Variants in ITK observed in about 807,000 individuals in gnomAD.
ITK encodes the protein tyrosine-protein kinase ITK/TSK.
In ITK, 45 loss-of-function variants were observed where a neutral mutation model predicts 87.6. That is an observed-to-expected ratio of 0.51 (90% CI 0.40 to 0.66). The LOEUF (loss-of-function observed/expected upper bound fraction) is 0.66, where lower values mean the gene tolerates loss of function less well. ITK is among the 30% of genes least tolerant of loss of function. The pLI, the probability that ITK is intolerant of heterozygous loss-of-function variation, is 0.00. For synonymous variants in ITK, 303 were observed against 273.6 expected (o/e 1.11, Z -1.06); for missense variants, 605 against 766.3 (o/e 0.79, Z 2.48).
At chr5:157,214,545 C>T (rs1487536522) in intron 4 of ITK, among the ~76,000 whole-genome samples, 1 of 152,072 alleles carries the variant, frequency 6.6e-6, no homozygotes, top group Non-Finnish European at 1.5e-5. Context: ...GGACCAGCAG[C>T]ATCAACATCT....
intron 5 of ITK, among the ~76,000 whole-genome samples, chr5:157,219,319 G>A (rs1019120339): frequency 1.3e-5 from 2 of 151,900 alleles, no homozygotes; most frequent in African/African-American, 4.8e-5. Flanking sequence ...TACCATGTTG[G>A]CCAGGCAGGT....
At chr5:157,210,345 A>G (rs560037149) in intron 2 of ITK, among the ~76,000 whole-genome samples, 78 of 152,178 alleles carry the variant, frequency 5.1e-4, no homozygotes, top group Admixed American at 1.8e-3. Context: ...ATGGCATAGA[A>G]AAGAACTTTT....
chr5:157,252,743 A>G lies in ITK; in HGVS notation c.*65A>G. ...TGGAGGAAGGATATGTCCTCATTCC[A>G]TAGAGCATTAGAAGCTGCCACCAGC... On this transcript the variant is annotated 3_prime_UTR_variant, in exon 17 of 17. Coordinates refer to ENST00000422843, the MANE Select transcript of ITK (RefSeq NM_005546.4). 2 of 1,277,166 alleles carry G rather than the reference A, an allele frequency of 1.6e-6. No individual in the cohort carries two copies. The highest frequency in any genetic ancestry group is 1.2e-5 in the South Asian group (1 of 84,188). The allele number at this position is 1,277,166 out of a possible 1,614,324, so 79.1% of individuals were successfully genotyped here.
At position 157,240,221 on chromosome 5, in the gene ITK, C is replaced by T. The variant is rs368648728; in HGVS notation, c.985+26C>T. The T allele has an allele frequency of 1.1e-4, 175 of 1,612,232 alleles. No homozygotes were observed. The African/African-American group carries it at 2.2e-3, about 20-fold the overall frequency. On this transcript the variant is annotated intron_variant, in intron 10 of 16. Transcript: ENST00000422843. ...GTAAGCTCTAGAGCAGGGGTGGACC[C>T]GGGCCGCCCAGCAGGAGGTGAGCAG...
intron 7 of ITK, among the ~76,000 whole-genome samples, chr5:157,229,632 G>A (rs888324795): frequency 6.6e-6 from 1 of 152,208 alleles, no homozygotes; most frequent in African/African-American, 2.4e-5. Context: ...AGACTAAAGA[G>A]GTCGGGCGCA....
intron 8 of ITK, among the ~76,000 whole-genome samples, chr5:157,235,381 C>T (rs763275107): frequency 5.3e-5 from 8 of 152,190 alleles, no homozygotes; most frequent in Non-Finnish European, 8.8e-5. Context: ...CATGCCTTCC[C>T]TCGCCCTAGC....
At chr5:157,237,194 C>T (rs1305532080) in intron 8 of ITK, among the ~76,000 whole-genome samples, 1 of 152,176 alleles carries the variant, frequency 6.6e-6, no homozygotes, top group East Asian at 1.9e-4. Context: ...ACATGTACAC[C>T]ATGGGGTAAC....
Position 157,222,919 on chromosome 5 carries a change from C to A in ITK, c.552C>A (p.Thr184=), listed in dbSNP as rs2113760991. ...TVVIALYDYQ[T]NDPQELALRR... Reference sequence around the variant, plus strand: ...TCATTGCCTTATATGACTACCAAACCAATGATCCTCAGGAACTCGCACTGC... The same window carrying A: ...TCATTGCCTTATATGACTACCAAACAAATGATCCTCAGGAACTCGCACTGC... Residue 184 remains threonine, a synonymous_variant, in exon 6 of 17, where the codon ACC becomes ACA. Transcript: ENST00000422843. 2.5e-6 allele frequency: 4 copies of A among 1,614,038 alleles called. No homozygotes were observed. The highest frequency in any genetic ancestry group is 2.5e-6 in the Non-Finnish European group (3 of 1,179,988).
intron 1 of ITK, among the ~76,000 whole-genome samples, chr5:157,193,785 A>G (rs1477303781): frequency 6.6e-6 from 1 of 152,182 alleles, no homozygotes. Context: ...ACATAATCCA[A>G]TAGAGGTGTT....
chr5:157,226,784 CT>C (rs985832743), intron 6 of ITK, among the ~76,000 whole-genome samples: 1 of 151,080 alleles, frequency 6.6e-6, no homozygotes, highest in African/African-American at 2.4e-5. Flanking sequence ...TATCAGGCAT[CT>C]TTTTTTGTTT....
At chr5:157,196,968 C>A (rs939789376) in intron 1 of ITK, among the ~76,000 whole-genome samples, 1 of 152,140 alleles carries the variant, frequency 6.6e-6, no homozygotes, top group African/African-American at 2.4e-5. Context: ...TGGAAAATAT[C>A]ACTTAGTTCT....
intron 1 of ITK, among the ~76,000 whole-genome samples, chr5:157,207,583 G>A (rs1229206412): frequency 1.3e-5 from 2 of 151,730 alleles, no homozygotes; most frequent in Admixed American, 6.6e-5. Flanking sequence ...GTTTCACCAT[G>A]TTGGGCAGGC....
At chr5:157,187,836 G>T (rs1264145555) in intron 1 of ITK, among the ~76,000 whole-genome samples, 1 of 150,482 alleles carries the variant, frequency 6.6e-6, no homozygotes, top group African/African-American at 2.5e-5. Context: ...ACCTTGCTCT[G>T]TTGCCCAGGC....
intron 2 of ITK, among the ~76,000 whole-genome samples, chr5:157,209,744 G>A (rs39827): frequency 2.0e-5 from 3 of 152,044 alleles, no homozygotes; most frequent in African/African-American, 4.8e-5. Context: ...ATCTGGAATC[G>A]CACTGTCTAG....
chr5:157,205,861 T>A (rs1312313236), intron 1 of ITK, among the ~76,000 whole-genome samples: 1 of 152,202 alleles, frequency 6.6e-6, no homozygotes, highest in Non-Finnish European at 1.5e-5. Context: ...ATTGAGATAA[T>A]CGTGATTTCT....
Position 157,238,163 on chromosome 5 carries a change from G to C in ITK, c.823G>C (p.Val275Leu). 1 of 1,613,768 alleles carries C rather than the reference G, an allele frequency of 6.2e-7. No individual in the cohort carries two copies. Among genetic ancestry groups the C allele is most frequent in the East Asian group, 2.2e-5 (1 of 44,868 alleles). ...RDSRTAGTYT[V>L]SVFTKAVVSE... is the part of the protein sequence containing the mutation. ...TTCCAGGACTGCAGGAACATACACCGTGTCTGTTTTCACCAAGGCTGTTGT... is the reference window on the plus strand; with the variant it reads ...TTCCAGGACTGCAGGAACATACACCCTGTCTGTTTTCACCAAGGCTGTTGT... Residue 275 changes from valine (V) to leucine (L), a missense_variant, in exon 9 of 17, where the codon GTG (valine) becomes CTG (leucine). By Grantham distance (32) the Val-to-Leu change is conservative (BLOSUM62 1). Transcript: ENST00000422843.
chr5:157,239,465 A>G (rs1482826640), intron 9 of ITK, among the ~76,000 whole-genome samples: 2 of 152,020 alleles, frequency 1.3e-5, no homozygotes, highest in Non-Finnish European at 2.9e-5. Flanking sequence ...TGCCTAGCAC[A>G]TGCCAAAGTT....
intron 1 of ITK, among the ~76,000 whole-genome samples, chr5:157,190,214 T>C (rs1413254217): frequency 6.6e-6 from 1 of 152,234 alleles, no homozygotes; most frequent in Admixed American, 6.5e-5. Context: ...CCTTTTCTGA[T>C]ATTTAAAAAG....
At chr5:157,229,090 C>G (rs1184036664) in intron 7 of ITK, among the ~76,000 whole-genome samples, 1 of 152,060 alleles carries the variant, frequency 6.6e-6, no homozygotes, top group Non-Finnish European at 1.5e-5. Flanking sequence ...AATAGATAGA[C>G]TGATAGATAA....
Sources: gnomAD v4.1 joint callset for allele counts (sites outside exome capture counted in the v4.1 genomes callset) on GRCh38, gnomAD v4.1.1 for gene constraint, MANE v1.5 for transcripts, NCBI Gene and HGNC (gene_info 2026-07-23, HGNC 2026-07-21) for gene names.